TRIM64B: variants seen among roughly 807,000 people sequenced by gnomAD.
TRIM64B encodes tripartite motif containing 64B, also known as tripartite motif-containing protein 64B.
For synonymous variants in TRIM64B, 17 were observed against 190.3 expected (o/e 0.09, Z 7.50); for missense variants, 57 against 536.4 (o/e 0.11, Z 8.83).
At chr11:89,873,107 T>C (rs1950129429) in intron 4 of TRIM64B, among the ~76,000 whole-genome samples, 161 bp downstream of exon 5, 1 of 152,122 alleles carries the variant, frequency 6.6e-6, no homozygotes, top group Non-Finnish European at 1.5e-5. Context: ...AATTTTAAGA[T>C]GAAAACTTTC....
intron 4 of TRIM64B, 25 bp downstream of exon 5, chr11:89,873,243 T>A: frequency 6.4e-7 from 1 of 1,550,638 alleles, no homozygotes. Flanking sequence ...TTTTCAGAAA[T>A]AGCATTTTTT....
chr11:89,873,305 A>ATAT lies in TRIM64B; in HGVS notation c.736-16_736-15insATA, dbSNP rs1950131754. On this transcript the variant is annotated splice_polypyrimidine_tract_variant and intron_variant, in intron 3 of 5. Coordinates refer to ENST00000329862, the Ensembl canonical transcript of TRIM64B. ...TTTCTCACATCCTGCAAAAAAATGA[A>ATAT]AGATAATGTTAATTATGAGAGATTT... is the stretch of plus-strand genomic sequence containing the variant. The ATAT allele has an allele frequency of 6.4e-7, 1 of 1,550,734 alleles. No homozygotes were observed. The highest frequency in any genetic ancestry group is 1.2e-5 in the South Asian group (1 of 83,586).
chr11:89,872,918 C>A (rs1565458765), intron 4 of TRIM64B, among the ~76,000 whole-genome samples: 1 of 144,810 alleles, frequency 6.9e-6, no homozygotes, highest in Non-Finnish European at 1.5e-5. Context: ...TCTCCTCCCT[C>A]TGTCTTTTTT....
upstream of TRIM64B, among the ~76,000 whole-genome samples, chr11:89,876,265 G>A (rs1950162487): frequency 7.1e-6 from 1 of 140,788 alleles, no homozygotes; most frequent in African/African-American, 2.5e-5. Context: ...AAGATCCTAA[G>A]ATGTTCAAGT....
chr11:89,873,688 T>G (rs1950134981), intron 3 of TRIM64B, among the ~76,000 whole-genome samples: 1 of 67,916 alleles, frequency 1.5e-5, no homozygotes, highest in Non-Finnish European at 2.8e-5. Flanking sequence ...CCTCAATGTC[T>G]TCAGCAAATC....
chr11:89,875,793 G>A lies in TRIM64B; in HGVS notation c.225C>T (p.Ser75=), dbSNP rs1369773043. Residue 75 remains serine, a synonymous_variant, in exon 1 of 6, where the codon TCC becomes TCT. Transcript: ENST00000329862. ...TCTGAGGTCTGGTCTGTCTGGCTAG[G>A]GAAGACAGCTTTTTGAGTACCAGAT... 1.9e-6 allele frequency: 3 copies of A among 1,540,704 alleles called. No homozygotes were observed. The African/African-American group carries it at 4.1e-5, about 21-fold the overall frequency.
chr11:89,871,472 G>T (rs1367693709), intron 5 of TRIM64B, among the ~76,000 whole-genome samples: 8 of 152,030 alleles, frequency 5.3e-5, no homozygotes, highest in Admixed American at 5.2e-4. Flanking sequence ...ACATCAATTT[G>T]CTGTGATGTG....
At chr11:89,872,547 T>C (rs1304013712) in intron 4 of TRIM64B, among the ~76,000 whole-genome samples, 1 of 151,790 alleles carries the variant, frequency 6.6e-6, no homozygotes, top group Admixed American at 6.5e-5. Flanking sequence ...ATACAACTTC[T>C]AAAGTCATTA....
rs760671154 is a variant in TRIM64B at position 89,870,750 on chromosome 11, C to A, written c.1221G>T (p.Gly407=). 6 of 1,551,750 alleles carry A rather than the reference C, an allele frequency of 3.9e-6. No individual in the cohort carries two copies. The East Asian group carries it at 1.5e-4, about 38-fold the overall frequency. Residue 407 remains glycine (G), a synonymous_variant, in exon 6 of 6, where the codon GGG becomes GGT. Coordinates refer to ENST00000329862, the Ensembl canonical transcript of TRIM64B. ...ATCCATTATCATAATCCAGAAACAC[C>A]CCAACTCGACCCAGAGGCCTTTGCA...
At chr11:89,878,230 T>C (rs1437773587), upstream of TRIM64B, among the ~76,000 whole-genome samples, 1 of 131,120 alleles carries the variant, frequency 7.6e-6, no homozygotes. Context: ...AAATTGAAGA[T>C]ACTTTATATT....
At chr11:89,877,481 A>G (rs547727527), upstream of TRIM64B, among the ~76,000 whole-genome samples, 5 of 146,740 alleles carry the variant, frequency 3.4e-5, no homozygotes, top group Admixed American at 3.4e-4. Flanking sequence ...AAAATCCAGA[A>G]ATGCAGTTAA....
intron 5 of TRIM64B, among the ~76,000 whole-genome samples, 168 bp downstream of exon 6, chr11:89,872,047 T>C: frequency 8.0e-6 from 1 of 125,674 alleles, no homozygotes; most frequent in Non-Finnish European, 1.7e-5. Flanking sequence ...GGAAATTGAG[T>C]TTTGATCATT....
chr11:89,876,721 C>CAAAAA (rs57069977), upstream of TRIM64B, among the ~76,000 whole-genome samples: 2 of 106,082 alleles, frequency 1.9e-5, no homozygotes. Flanking sequence ...GACTCTGTCT[C>CAAAAA]AAAAAAAAAA....
At position 89,872,783 on chromosome 11, in the gene TRIM64B, G is replaced by A. The variant is rs567309934; in HGVS notation, c.759-471C>T. Among the ~76,000 whole-genome samples, 3 of 151,880 alleles carry A rather than the reference G, an allele frequency of 2.0e-5. No homozygotes were observed. The South Asian group carries it at 6.2e-4, about 31-fold the overall frequency. On this transcript the variant is annotated intron_variant, in intron 4 of 5. Coordinates refer to ENST00000329862, the Ensembl canonical transcript of TRIM64B. Reference sequence around the variant, plus strand: ...CCAGCCTGAGAACCCTGCTGCTGAGGGGCCCGAGGCAACCATTTCCCTGAG... The same window carrying A: ...CCAGCCTGAGAACCCTGCTGCTGAGAGGCCCGAGGCAACCATTTCCCTGAG...
intron 5 of TRIM64B, among the ~76,000 whole-genome samples, chr11:89,871,661 C>A (rs1417557764): frequency 1.6e-5 from 2 of 127,656 alleles, no homozygotes; most frequent in Non-Finnish European, 3.3e-5. Flanking sequence ...GACCTGCTCT[C>A]TAGAATGGGC....
chr11:89,876,558 T>TA, upstream of TRIM64B, among the ~76,000 whole-genome samples: 1 of 149,500 alleles, frequency 6.7e-6, no homozygotes, highest in Admixed American at 6.7e-5. Context: ...CCGTTTCTAC[T>TA]AAAAATACAA....
At chr11:89,875,201 C>A (rs1950150580) in intron 1 of TRIM64B, 128 bp from the exon 3 acceptor site, 1 of 795,826 alleles carries the variant, frequency 1.3e-6, no homozygotes, top group Non-Finnish European at 2.0e-6. Context: ...TCAGATTTTT[C>A]CAAGTTAAAC....
In TRIM64B at chr11:89,873,996, A is replaced by C. The variant is rs1950137808; in HGVS notation, c.735+53T>G. 4.7e-6 allele frequency: 7 copies of C among 1,500,034 alleles called. No individual in the cohort carries two copies. The Admixed American group carries it at 1.2e-4, about 25-fold the overall frequency. 92.9% of individuals were successfully genotyped at this position (1,500,034 alleles called of 1,614,324 possible). A position where few individuals can be genotyped will look rare whatever the true frequency, so the allele number is the denominator to read the frequency against. On this transcript the variant is annotated intron_variant, in intron 3 of 5. Coordinates refer to ENST00000329862, the Ensembl canonical transcript of TRIM64B. Reference sequence around the variant, plus strand: ...GCAGGTGATATTTGCATGTCCTGGCAGCACTGTCCAGCAAAGGCTTCCTGT... The same window carrying C: ...GCAGGTGATATTTGCATGTCCTGGCCGCACTGTCCAGCAAAGGCTTCCTGT...
chr11:89,874,004 C>T lies in TRIM64B; in HGVS notation c.735+45G>A, dbSNP rs951454306. On this transcript the variant is annotated intron_variant, in intron 3 of 5. Coordinates refer to ENST00000329862, the Ensembl canonical transcript of TRIM64B. The stretch of plus-strand genomic sequence containing the variant: ...TATTTGCATGTCCTGGCAGCACTGT[C>T]CAGCAAAGGCTTCCTGTCTCTGAGG... 6 of 1,544,354 alleles carry T rather than the reference C, an allele frequency of 3.9e-6. No individual in the cohort carries two copies. In the African/African-American group the frequency reaches 5.5e-5, roughly 14 times the overall value.
Sources: gnomAD v4.1 joint callset for allele counts (sites outside exome capture counted in the v4.1 genomes callset) on GRCh38, gnomAD v4.1.1 for gene constraint, MANE v1.5 for transcripts, NCBI Gene and HGNC (gene_info 2026-07-23, HGNC 2026-07-21) for gene names.